ELP4: variants seen among roughly 807,000 people sequenced by gnomAD.
ELP4 encodes elongator acetyltransferase complex subunit 4.
ELP4 carries 51 observed loss-of-function variants against 48.9 expected under a neutral mutation model. The ratio of observed to expected loss-of-function variants is 1.04; its 90% CI spans 0.83 to 1.32. The LOEUF (loss-of-function observed/expected upper bound fraction) is 1.32. Ranked by LOEUF, ELP4 falls within the 40% of genes most tolerant of loss-of-function variation. ELP4 has a pLI of 0.00. For missense variants in ELP4, 519 were observed against 514.6 expected (o/e 1.01, Z -0.08); for synonymous variants, 210 against 189.2 (o/e 1.11, Z -0.90).
At chr11:31,573,198 A>G (rs1957214913) in intron 3 of ELP4, among the ~76,000 whole-genome samples, 1 of 152,202 alleles carries the variant, frequency 6.6e-6, no homozygotes, top group African/African-American at 2.4e-5. Flanking sequence ...ATCCCTTGAG[A>G]AATGTGCCTA....
chr11:31,637,601 T>C (rs1338704552), intron 7 of ELP4, among the ~76,000 whole-genome samples: 1 of 151,966 alleles, frequency 6.6e-6, no homozygotes, highest in Non-Finnish European at 1.5e-5. Context: ...CTTTGAAACT[T>C]TTTAATGAGT....
intron 3 of ELP4, among the ~76,000 whole-genome samples, chr11:31,589,839 C>G (rs997939727): frequency 6.6e-6 from 1 of 152,162 alleles, no homozygotes; most frequent in Non-Finnish European, 1.5e-5. Context: ...CAAAAAACAT[C>G]TTTATCAGTG....
chr11:31,626,483 T>C (rs1254271143), intron 5 of ELP4, among the ~76,000 whole-genome samples: 1 of 151,872 alleles, frequency 6.6e-6, no homozygotes, highest in Non-Finnish European at 1.5e-5. Flanking sequence ...ATAGCATTTG[T>C]AAAATATTTT....
intron 3 of ELP4, among the ~76,000 whole-genome samples, chr11:31,578,405 C>T (rs543987438): frequency 3.3e-5 from 5 of 152,256 alleles, no homozygotes; most frequent in Non-Finnish European, 5.9e-5. Context: ...CATCAAGCTA[C>T]CAATGACTTT....
At chr11:31,720,311 T>C (rs1445396185) in intron 9 of ELP4, among the ~76,000 whole-genome samples, 5 of 152,212 alleles carry the variant, frequency 3.3e-5, no homozygotes, top group Non-Finnish European at 7.3e-5. Flanking sequence ...TTACTTTTTT[T>C]TTACTTTCCT....
At chr11:31,574,678 G>A (rs2133961352) in intron 3 of ELP4, among the ~76,000 whole-genome samples, 1 of 152,326 alleles carries the variant, frequency 6.6e-6, no homozygotes, top group Admixed American at 6.5e-5. Flanking sequence ...AACAGGGTCT[G>A]GAGTGGACCT....
At chr11:31,525,504 A>G (rs1956282542) in intron 2 of ELP4, among the ~76,000 whole-genome samples, 1 of 152,228 alleles carries the variant, frequency 6.6e-6, no homozygotes, top group African/African-American at 2.4e-5. Flanking sequence ...GAAAGGAGTG[A>G]TGAAGAAAAA....
intron 7 of ELP4, chr11:31,633,142 A>AG (rs1944900297): frequency 6.6e-6 from 1 of 152,144 alleles, no homozygotes; most frequent in Non-Finnish European, 1.5e-5. Flanking sequence ...TGTTAAATGA[A>AG]TATTGAATCT....
intron 5 of ELP4, among the ~76,000 whole-genome samples, chr11:31,614,771 T>C (rs1484811872): frequency 6.6e-5 from 10 of 152,158 alleles, no homozygotes; most frequent in Non-Finnish European, 1.5e-4. Context: ...CGAAGAAGCA[T>C]CACACAAATC....
intron 9 of ELP4, among the ~76,000 whole-genome samples, chr11:31,734,667 G>A (rs1250682273): frequency 1.3e-5 from 2 of 152,010 alleles, no homozygotes; most frequent in Non-Finnish European, 2.9e-5. Context: ...GAAGGCAAAA[G>A]TATTGTACAC....
chr11:31,678,404 G>A (rs1023106600), intron 9 of ELP4, among the ~76,000 whole-genome samples: 11 of 152,028 alleles, frequency 7.2e-5, no homozygotes, highest in Admixed American at 2.0e-4. Flanking sequence ...AACCGTGGTC[G>A]CACACCACTG....
At position 31,787,101 on chromosome 11, in the gene ELP4, T is replaced by C. The variant is rs1380833389; in HGVS notation, c.*3577T>C. 1 of 232,038 alleles carries C rather than the reference T, an allele frequency of 4.3e-6. No homozygotes were observed. Among genetic ancestry groups the C allele is most frequent in the East Asian group, 6.1e-5 (1 of 16,436 alleles). The allele number at this position is 232,038 out of a possible 1,614,324, so 14.4% of individuals were successfully genotyped here. A position where few individuals can be genotyped will look rare whatever the true frequency, so the allele number is the denominator to read the frequency against. On this transcript the variant is annotated 3_prime_UTR_variant, in exon 10 of 10. Transcript: ENST00000640961. The stretch of plus-strand genomic sequence containing the variant: ...CACTGCTACCACACAGAGCCTGCCA[T>C]GCTGTCCCCAAGAGAGTGCCTGGAG...
At chr11:31,700,672 G>A (rs935247418) in intron 9 of ELP4, among the ~76,000 whole-genome samples, 1 of 152,060 alleles carries the variant, frequency 6.6e-6, no homozygotes, top group African/African-American at 2.4e-5. Flanking sequence ...ACTCAAGATA[G>A]GGACATGTGT....
chr11:31,587,099 G>C (rs1438887496), intron 3 of ELP4, among the ~76,000 whole-genome samples: 1 of 152,112 alleles, frequency 6.6e-6, no homozygotes, highest in African/African-American at 2.4e-5. Flanking sequence ...TTTCTTAGAA[G>C]TTCCTATCGC....
intron 6 of ELP4, chr11:31,628,468 C>CAT (rs1336825774): frequency 6.8e-6 from 1 of 146,748 alleles, no homozygotes; most frequent in African/African-American, 2.6e-5. Flanking sequence ...CACACACACA[C>CAT]AGATATACCT....
At chr11:31,654,311 T>A (rs766116862) in intron 9 of ELP4, 1 of 151,718 alleles carries the variant, frequency 6.6e-6, no homozygotes, top group Non-Finnish European at 1.5e-5. Flanking sequence ...AATATAAAGA[T>A]TAACACTACT....
At chr11:31,616,774 T>C (rs1944494290) in intron 5 of ELP4, among the ~76,000 whole-genome samples, 1 of 152,066 alleles carries the variant, frequency 6.6e-6, no homozygotes, top group Non-Finnish European at 1.5e-5. Context: ...TGAATAGACA[T>C]TTCTCCAAAG....
intron 3 of ELP4, among the ~76,000 whole-genome samples, chr11:31,589,487 ACTGTACG>A (rs1251401162): frequency 6.6e-6 from 1 of 152,180 alleles, no homozygotes; most frequent in Non-Finnish European, 1.5e-5. Context: ...CTCCTTTTTT[ACTGTACG>A]ATAAGTCTCA....
At chr11:31,571,684 C>G (rs1957195467) in intron 3 of ELP4, among the ~76,000 whole-genome samples, 1 of 152,182 alleles carries the variant, frequency 6.6e-6, no homozygotes, top group Non-Finnish European at 1.5e-5. Context: ...TACTCCTGAT[C>G]CATGGGCTAC....
Sources: gnomAD v4.1 joint callset for allele counts (sites outside exome capture counted in the v4.1 genomes callset) on GRCh38, gnomAD v4.1.1 for gene constraint, MANE v1.5 for transcripts, NCBI Gene and HGNC (gene_info 2026-07-23, HGNC 2026-07-21) for gene names.